The following PIEZO2 variants were observed in gnomAD, a reference collection of about 807,000 sequenced individuals.
PIEZO2 encodes piezo-type mechanosensitive ion channel component 2.
PIEZO2 carries 172 observed loss-of-function variants against 337.3 expected under a neutral mutation model. The observed-to-expected ratio is 0.51, with a 90% confidence interval of 0.45 to 0.58. PIEZO2 has a LOEUF of 0.58. Among genes scored for constraint, PIEZO2 ranks in the 20% least tolerant of loss-of-function variants. The probability of loss-of-function intolerance (pLI) is 0.00; values close to 1 mark genes in which losing one functional copy is unlikely to be tolerated. For synonymous variants in PIEZO2, 1,251 were observed against 1,228.5 expected (o/e 1.02, Z -0.38); for missense variants, 3,028 against 3,391.3 (o/e 0.89, Z 2.66).
At position 10,780,369 on chromosome 18, in the gene PIEZO2, A is replaced by T. The variant is rs2038936807; in HGVS notation, c.2493-3T>A. 7 of 703,020 alleles carry T rather than the reference A, an allele frequency of 1.0e-5. No homozygotes were observed. Among genetic ancestry groups the T allele is most frequent in the Non-Finnish European group, 1.6e-5 (6 of 385,002 alleles). The allele number at this position is 703,020 out of a possible 1,614,324, so 43.5% of individuals were successfully genotyped here. A position where few individuals can be genotyped will look rare whatever the true frequency, so the allele number is the denominator to read the frequency against. On this transcript the variant is annotated splice_region_variant and splice_polypyrimidine_tract_variant and intron_variant, in intron 17 of 55. Transcript: ENST00000674853. ...CGCGACCATTGACTTTGGCATGGCT[A>T]CGAGGTGGCAGACGGAAGCACAGGG... is the stretch of plus-strand genomic sequence containing the variant.
chr18:10,768,984 C>T (rs1188976453), intron 21 of PIEZO2, among the ~76,000 whole-genome samples: 1 of 152,164 alleles, frequency 6.6e-6, no homozygotes, highest in East Asian at 1.9e-4. Context: ...ACCTTCACAC[C>T]CTGCCACGCA....
chr18:10,913,279 T>C (rs1187264993), intron 3 of PIEZO2, among the ~76,000 whole-genome samples: 4 of 152,084 alleles, frequency 2.6e-5, no homozygotes, highest in African/African-American at 4.8e-5. Flanking sequence ...GAAGCCACAG[T>C]GTGTTCAAGA....
chr18:10,695,430 C>G (rs775480430), intron 47 of PIEZO2, among the ~76,000 whole-genome samples: 5 of 152,182 alleles, frequency 3.3e-5, no homozygotes, highest in Non-Finnish European at 7.3e-5. Flanking sequence ...AAGGATCTTA[C>G]CAGCCCTTTC....
At chr18:10,695,070 C>G (rs2035024037) in intron 47 of PIEZO2, among the ~76,000 whole-genome samples, 1 of 152,216 alleles carries the variant, frequency 6.6e-6, no homozygotes, top group Non-Finnish European at 1.5e-5. Context: ...CCACATTCAC[C>G]TTCTGCAGAG....
Position 10,855,153 on chromosome 18 carries a change from G to C in PIEZO2, c.917+200C>G, listed in dbSNP as rs2041668003. Among the ~76,000 whole-genome samples, 1 of 152,088 alleles carries C rather than the reference G, an allele frequency of 6.6e-6. No homozygotes were observed. Among genetic ancestry groups the C allele is most frequent in the South Asian group, 2.1e-4 (1 of 4,824 alleles). On this transcript the variant is annotated intron_variant, in intron 7 of 55. Coordinates refer to ENST00000674853, the MANE Select transcript of PIEZO2 (RefSeq NM_001378183.1). The surrounding 1 kb of genome is among the most constrained non-coding windows in gnomAD (Gnocchi z 4.9). ...TCCCAGCGGCATCTCCATCTGAAGAGACCACTGTCTTCCTTCCAGACTGTG... is the reference window on the plus strand; with the variant it reads ...TCCCAGCGGCATCTCCATCTGAAGACACCACTGTCTTCCTTCCAGACTGTG...
intron 7 of PIEZO2, among the ~76,000 whole-genome samples, chr18:10,809,835 G>C: frequency 6.6e-6 from 1 of 152,182 alleles, no homozygotes; most frequent in East Asian, 1.9e-4. Flanking sequence ...AGCTTGGACA[G>C]AGCAAGGTGT....
chr18:10,919,405 T>G (rs1006800868), intron 3 of PIEZO2, among the ~76,000 whole-genome samples: 3 of 152,156 alleles, frequency 2.0e-5, no homozygotes, highest in Non-Finnish European at 2.9e-5. Context: ...TCCCAGTAAG[T>G]GCAAACAAAT....
Position 10,863,721 on chromosome 18 carries a change from T to C in PIEZO2, c.493-6510A>G, listed in dbSNP as rs770531924. The stretch of plus-strand genomic sequence containing the variant: ...TTAATTCACCTACTTAGAATGGCAA[T>C]AGTCTTTAAGAATCATCTGAACATC... On this transcript the variant is annotated intron_variant, in intron 5 of 55. Coordinates refer to ENST00000674853, the MANE Select transcript of PIEZO2 (RefSeq NM_001378183.1). The surrounding 1 kb of genome is among the most constrained non-coding windows in gnomAD (Gnocchi z 4.3). Among the ~76,000 whole-genome samples, 2 of 151,036 alleles carry C rather than the reference T, an allele frequency of 1.3e-5. No individual in the cohort carries two copies. Among genetic ancestry groups the C allele is most frequent in the South Asian group, 2.1e-4 (1 of 4,824 alleles).
chr18:10,722,075 C>T (rs564057571), intron 36 of PIEZO2, among the ~76,000 whole-genome samples: 2 of 149,140 alleles, frequency 1.3e-5, no homozygotes, highest in South Asian at 2.1e-4. Flanking sequence ...TGCTTGAACT[C>T]GGGAGACGGA....
intron 1 of PIEZO2, among the ~76,000 whole-genome samples, chr18:11,091,271 C>G (rs888619757): frequency 8.6e-5 from 13 of 151,502 alleles, no homozygotes; most frequent in African/African-American, 2.9e-4. Flanking sequence ...GTAATCCCAG[C>G]TACTCAAGAG....
At chr18:10,714,610 T>C (rs930380161) in intron 39 of PIEZO2, among the ~76,000 whole-genome samples, 154 bp downstream of exon 39, 3 of 152,216 alleles carry the variant, frequency 2.0e-5, no homozygotes, top group East Asian at 1.9e-4. Context: ...ATGTTCCTTA[T>C]AGTTTGTTGT....
At chr18:10,825,971 C>T (rs1295555449) in intron 7 of PIEZO2, among the ~76,000 whole-genome samples, 3 of 152,138 alleles carry the variant, frequency 2.0e-5, no homozygotes, top group South Asian at 4.1e-4. Flanking sequence ...CTCTTATCTC[C>T]CATTTATTCA....
chr18:10,995,082 A>AAAAAAAAAAGAAAAG (rs534311613), intron 2 of PIEZO2, among the ~76,000 whole-genome samples: 1 of 128,124 alleles, frequency 7.8e-6, no homozygotes, highest in African/African-American at 3.1e-5. Flanking sequence ...CGTCTCAAAA[A>AAAAAAAAAAGAAAAG]AAAAAAAAAA....
rs957838679 is a variant in PIEZO2 at position 10,949,993 on chromosome 18, T to A, written c.286+29542A>T. 2.6e-5 allele frequency among the ~76,000 whole-genome samples: 4 copies of A among 152,196 alleles called. No individual in the cohort carries two copies. In the East Asian group the frequency reaches 7.7e-4, roughly 29 times the overall value. On this transcript the variant is annotated intron_variant, in intron 3 of 55. Coordinates refer to ENST00000674853, the MANE Select transcript of PIEZO2 (RefSeq NM_001378183.1). Reference sequence around the variant, plus strand: ...TGGGTGAATAAGATTGAGGCAGTAATGATGGTTTGTTTTAAATCTTATGAA... The same window carrying A: ...TGGGTGAATAAGATTGAGGCAGTAAAGATGGTTTGTTTTAAATCTTATGAA...
Position 10,854,639 on chromosome 18 carries a change from A to G in PIEZO2, c.917+714T>C, listed in dbSNP as rs2041651050. On this transcript the variant is annotated intron_variant, in intron 7 of 55. Transcript: ENST00000674853. The surrounding 1 kb of genome is among the most constrained non-coding windows in gnomAD (Gnocchi z 4.6). Reference sequence around the variant, plus strand: ...GGATTTGGTGTAATAGTCATCTCCAATCGAAGCAAAGTATTTGATGTTTCT... The same window carrying G: ...GGATTTGGTGTAATAGTCATCTCCAGTCGAAGCAAAGTATTTGATGTTTCT... Among the ~76,000 whole-genome samples, 1 of 152,212 alleles carries G rather than the reference A, an allele frequency of 6.6e-6. No individual in the cohort carries two copies. The highest frequency in any genetic ancestry group is 6.5e-5 in the Admixed American group (1 of 15,284).
intron 2 of PIEZO2, among the ~76,000 whole-genome samples, chr18:11,054,104 T>A (rs1057295584): frequency 6.6e-6 from 1 of 152,214 alleles, no homozygotes; most frequent in African/African-American, 2.4e-5. Flanking sequence ...TAATTATACA[T>A]TAGTTAATAA....
intron 7 of PIEZO2, among the ~76,000 whole-genome samples, chr18:10,841,103 T>G (rs1230297994): frequency 6.6e-6 from 1 of 152,192 alleles, no homozygotes; most frequent in Non-Finnish European, 1.5e-5. Flanking sequence ...TATTTCTTGT[T>G]CAGGTGAGTG....
In PIEZO2 at chr18:10,775,677, G is replaced by A. The variant is rs1043812683; in HGVS notation, c.2535-1639C>T. Among the ~76,000 whole-genome samples, 1 of 152,226 alleles carries A rather than the reference G, an allele frequency of 6.6e-6. No homozygotes were observed. The highest frequency in any genetic ancestry group is 1.5e-5 in the Non-Finnish European group (1 of 68,044). On this transcript the variant is annotated intron_variant, in intron 18 of 55. Coordinates refer to ENST00000674853, the MANE Select transcript of PIEZO2 (RefSeq NM_001378183.1). The surrounding 1 kb of genome is among the most constrained non-coding windows in gnomAD (Gnocchi z 4.3). Reference sequence around the variant, plus strand: ...CCCAAACTGCCATGCCACAGGCAGGGTGCATTGAGGAGAGATCGTTCAATG... The same window carrying A: ...CCCAAACTGCCATGCCACAGGCAGGATGCATTGAGGAGAGATCGTTCAATG...
intron 3 of PIEZO2, among the ~76,000 whole-genome samples, chr18:10,923,941 A>G (rs966526941): frequency 1.3e-5 from 2 of 152,244 alleles, no homozygotes; most frequent in East Asian, 1.9e-4. Flanking sequence ...CACTCTTCCC[A>G]TAACTGCAAT....
Sources: gnomAD v4.1 joint callset for allele counts (sites outside exome capture counted in the v4.1 genomes callset) on GRCh38, gnomAD v4.1.1 for gene constraint, Gnocchi (gnomAD v3.1) non-coding constraint, MANE v1.5 for transcripts, NCBI Gene and HGNC (gene_info 2026-07-23, HGNC 2026-07-21) for gene names.